ZRANB2: variants seen among roughly 807,000 people sequenced by gnomAD.
The protein encoded by ZRANB2 is zinc finger RANBP2-type containing 2, also known as zinc finger Ran-binding domain-containing protein 2.
Under a neutral mutation model 53.4 loss-of-function variants are expected in ZRANB2, and 19 were observed. The ratio of observed to expected loss-of-function variants is 0.36; its 90% confidence interval spans 0.25 to 0.52. The LOEUF (loss-of-function observed/expected upper bound fraction) is 0.52. ZRANB2 is among the 20% of genes least tolerant of loss of function. The probability of loss-of-function intolerance (pLI) is 0.93; values close to 1 mark genes in which losing one functional copy is unlikely to be tolerated. For synonymous variants in ZRANB2, 145 were observed against 134.8 expected, an observed-to-expected ratio of 1.08 and a Z score of -0.52; for missense variants, 309 against 401.1, an observed-to-expected ratio of 0.77 and a Z score of 1.96.
intron 6 of ZRANB2, among the ~76,000 whole-genome samples, chr1:71,071,488 T>G (rs1482688837): frequency 2.0e-5 from 3 of 152,162 alleles, no homozygotes; most frequent in African/African-American, 2.4e-5. Flanking sequence ...TTTCTTTAGT[T>G]GCATTCCAAG....
chr1:71,073,591 T>C (rs1661640565), intron 4 of ZRANB2, among the ~76,000 whole-genome samples: 1 of 152,012 alleles, frequency 6.6e-6, no homozygotes, highest in South Asian at 2.1e-4. Context: ...TTATACTTTG[T>C]ACTAGTGAAA....
At chr1:71,080,802 C>T (rs1160476598) in intron 1 of ZRANB2, 138 bp downstream of exon 1, 10 of 958,892 alleles carry the variant, frequency 1.0e-5, no homozygotes, top group Middle Eastern at 2.2e-4. Context: ...GAGCCTTCTT[C>T]CCGCCAGGGA....
chr1:71,077,579 T>C (rs1201988048), intron 3 of ZRANB2, among the ~76,000 whole-genome samples: 1 of 152,156 alleles, frequency 6.6e-6, no homozygotes, highest in Non-Finnish European at 1.5e-5. Flanking sequence ...TCAGGAATAG[T>C]GGCCCATGCC....
At chr1:71,072,833 T>G (rs1381296490) in intron 4 of ZRANB2, among the ~76,000 whole-genome samples, 2 of 152,116 alleles carry the variant, frequency 1.3e-5, no homozygotes, top group Non-Finnish European at 2.9e-5. Flanking sequence ...CTCAAACTTC[T>G]GCTATAACCA....
chr1:71,072,544 A>G lies in ZRANB2; in HGVS notation c.306T>C (p.Tyr102=), dbSNP rs776623686. ...TTTCTCTTTCATTAAAACCACCACC[A>G]TATCCTTAAAAAAGAGGGCACAAAT... ...KYAKLEERTG[Y]GGGFNERENV... The change falls in exon 5 of 10, where the codon TAT becomes TAC. Residue 102 remains tyrosine (Y), a synonymous_variant. Transcript: ENST00000370920. 2.5e-6 allele frequency: 4 copies of G among 1,603,700 alleles called. No individual in the cohort carries two copies. Among genetic ancestry groups the G allele is most frequent in the Non-Finnish European group, 3.4e-6 (4 of 1,173,338 alleles).
intron 4 of ZRANB2, among the ~76,000 whole-genome samples, chr1:71,074,077 A>T (rs1294870202): frequency 1.3e-5 from 2 of 152,116 alleles, no homozygotes; most frequent in East Asian, 3.9e-4. Context: ...CTTCTCCACA[A>T]ACAGAAAGAA....
chr1:71,067,547 C>T (rs1158706997), intron 8 of ZRANB2: 8 of 357,722 alleles, frequency 2.2e-5, no homozygotes, highest in African/African-American at 1.8e-4. Flanking sequence ...TGTTGACATT[C>T]ACATGCTTCA....
chr1:71,075,766 C>G lies in ZRANB2; in HGVS notation c.301+1029G>C, dbSNP rs1000165348. Among the ~76,000 whole-genome samples the G allele has an allele frequency of 1.3e-4, 20 of 152,044 alleles. 1 individual carries two copies. The highest frequency in any genetic ancestry group is 4.6e-4 in the African/African-American group (19 of 41,480). ...CCTTGTCAGAAGGCCTTAACTTACC[C>G]AATCGGTGGAAAGGCAAAATCACTT... On this transcript the variant is annotated intron_variant, in intron 4 of 9. Transcript: ENST00000370920.
In ZRANB2 at chr1:71,070,934, A is replaced by ATCT; in HGVS notation, c.573_575dup (p.Glu191dup). The ATCT allele has an allele frequency of 6.2e-7, 1 of 1,611,332 alleles. No homozygotes were observed. The highest frequency in any genetic ancestry group is 1.1e-5 in the South Asian group (1 of 90,754). On this transcript the variant is annotated inframe_insertion, in exon 7 of 10. Coordinates refer to ENST00000370920, the MANE Select transcript of ZRANB2 (RefSeq NM_203350.3). ...GTCTATTAGATTTCTTTTTATTACT[A>ATCT]TCTTCTTCTTCACTGGCATCAAGAT...
At position 71,064,340 on chromosome 1, in the gene ZRANB2, TG is replaced by T. The variant is rs778681603; in HGVS notation, c.*733del. ...TATCACACAAAGCTTCTTAAAACAT[TG>T]GTAAACATTTTGAGATGTCTTTATC... is the stretch of plus-strand genomic sequence containing the variant. On this transcript the variant is annotated 3_prime_UTR_variant, in exon 10 of 10. Transcript: ENST00000370920. 3.3e-5 allele frequency: 5 copies of T among 152,182 alleles called. No homozygotes were observed. The highest frequency in any genetic ancestry group is 5.9e-5 in the Non-Finnish European group (4 of 67,900). The allele number at this position is 152,182 out of a possible 1,614,324, so 9.4% of individuals were successfully genotyped here. A position where few individuals can be genotyped will look rare whatever the true frequency, so the allele number is the denominator to read the frequency against.
intron 1 of ZRANB2, 148 bp downstream of exon 1, chr1:71,080,792 G>C (rs1661828090): frequency 1.2e-6 from 1 of 867,698 alleles, no homozygotes; most frequent in East Asian, 2.4e-5. Flanking sequence ...AGGAGATTGG[G>C]AGCCTTCTTC....
intron 6 of ZRANB2, among the ~76,000 whole-genome samples, chr1:71,071,806 C>G (rs1661599628): frequency 6.6e-6 from 1 of 152,248 alleles, no homozygotes; most frequent in East Asian, 1.9e-4. Flanking sequence ...ATCGGCAAAA[C>G]CAAAGTTGCT....
intron 4 of ZRANB2, among the ~76,000 whole-genome samples, chr1:71,073,649 G>A (rs954413281): frequency 6.6e-6 from 1 of 151,736 alleles, no homozygotes; most frequent in Non-Finnish European, 1.5e-5. Context: ...AACATACGTG[G>A]GATCTAAATT....
intron 1 of ZRANB2, among the ~76,000 whole-genome samples, chr1:71,079,074 C>T (rs115024773): frequency 0.02 from 2,983 of 152,068 alleles, 92 homozygotes; most frequent in African/African-American, 0.068. Flanking sequence ...GAGTTTTAAA[C>T]CCTAGCGGTG....
intron 5 of ZRANB2, 102 bp from the exon 6 acceptor site, chr1:71,072,357 A>T: frequency 6.9e-7 from 1 of 1,445,974 alleles, no homozygotes; most frequent in Non-Finnish European, 9.4e-7. Context: ...CCTGAAAATG[A>T]TCAGTTGCTG....
At chr1:71,077,739 C>G (rs1012581323) in intron 3 of ZRANB2, among the ~76,000 whole-genome samples, 1 of 152,162 alleles carries the variant, frequency 6.6e-6, no homozygotes, top group Middle Eastern at 3.4e-3. Flanking sequence ...GCCTGTGGTC[C>G]CAGTTACTAA....
Position 71,072,464 on chromosome 1 carries a change from T to C in ZRANB2, c.378+8A>G, listed in dbSNP as rs770401672. On this transcript the variant is annotated splice_region_variant and intron_variant, in intron 5 of 9. Coordinates refer to ENST00000370920, the MANE Select transcript of ZRANB2 (RefSeq NM_203350.3). ...TATATTCAACCTGAACACCAAAATA[T>C]AGCTTACCTCATCATATTCACCATC... The C allele has an allele frequency of 9.4e-6, 15 of 1,593,840 alleles. No homozygotes were observed. In the East Asian group the frequency reaches 2.2e-4, roughly 24 times the overall value.
At chr1:71,075,623 G>T (rs565904473) in intron 4 of ZRANB2, among the ~76,000 whole-genome samples, 5 of 152,050 alleles carry the variant, frequency 3.3e-5, no homozygotes, top group Admixed American at 3.3e-4. Context: ...AACATCAGTG[G>T]CCAAAAGAAG....
intron 6 of ZRANB2, among the ~76,000 whole-genome samples, chr1:71,071,628 C>T (rs1367635872): frequency 1.3e-5 from 2 of 152,068 alleles, no homozygotes; most frequent in Non-Finnish European, 2.9e-5. Flanking sequence ...TCTGCTCTAA[C>T]TATACTGGCC....
Sources: allele counts gnomAD v4.1 joint callset (sites outside exome capture counted in the v4.1 genomes callset), GRCh38; gene constraint gnomAD v4.1.1; transcripts MANE v1.5; gene names NCBI Gene and HGNC (gene_info 2026-07-23, HGNC 2026-07-21).